Variants in DTL observed in about 807,000 individuals in gnomAD.
DTL encodes denticleless E3 ubiquitin protein ligase adapter.
Under a neutral mutation model 87.0 loss-of-function variants are expected in DTL, and 46 were observed. The ratio of observed to expected loss-of-function variants is 0.53; its 90% CI spans 0.42 to 0.68. The LOEUF (loss-of-function observed/expected upper bound fraction) is 0.68, where lower values mean the gene tolerates loss of function less well. Among genes scored for constraint, DTL ranks in the 30% least tolerant of loss-of-function variants. The probability of loss-of-function intolerance (pLI) is 0.00; values close to 1 mark genes in which losing one functional copy is unlikely to be tolerated. For missense variants in DTL, 737 were observed against 869.4 expected (o/e 0.85, Z 1.91); for synonymous variants, 308 against 311.2 (o/e 0.99, Z 0.11).
intron 12 of DTL, 24 bp downstream of exon 12, chr1:212,078,286 T>G (rs1558084924): frequency 1.4e-6 from 2 of 1,390,452 alleles, no homozygotes; most frequent in Non-Finnish European, 1.0e-6. Context: ...TCTCTATAGT[T>G]GGTTTAAAAT....
intron 14 of DTL, among the ~76,000 whole-genome samples, chr1:212,101,726 C>T (rs755196925): frequency 6.6e-5 from 10 of 152,244 alleles, no homozygotes; most frequent in Non-Finnish European, 1.2e-4. Context: ...TGTAGTGTCA[C>T]TTATCTTTTT....
chr1:212,093,656 C>T (rs116300482), intron 13 of DTL, among the ~76,000 whole-genome samples: 8,511 of 152,252 alleles, frequency 0.056, 272 homozygotes, highest in Non-Finnish European at 0.074. Context: ...CTTCTGCCAG[C>T]GTGCTTCTCA....
chr1:212,070,276 C>T (rs889303473), intron 10 of DTL, among the ~76,000 whole-genome samples: 1 of 151,976 alleles, frequency 6.6e-6, no homozygotes, highest in Non-Finnish European at 1.5e-5. Flanking sequence ...ATTTCATTTG[C>T]GCAGATGGAT....
At chr1:212,100,038 T>C (rs1187974062) in intron 13 of DTL, among the ~76,000 whole-genome samples, 1 of 152,206 alleles carries the variant, frequency 6.6e-6, no homozygotes, top group Non-Finnish European at 1.5e-5. Flanking sequence ...TTTTTACAAG[T>C]ATATATTTTA....
At chr1:212,101,174 TTA>T in intron 14 of DTL, 90 bp downstream of exon 14, 1 of 1,018,092 alleles carries the variant, frequency 9.8e-7, no homozygotes, top group South Asian at 2.0e-5. Flanking sequence ...TTTTTTTTTT[TTA>T]AAGAAAGAAA....
At chr1:212,060,037 GA>G (rs1227257112) in intron 5 of DTL, among the ~76,000 whole-genome samples, 1 of 152,002 alleles carries the variant, frequency 6.6e-6, no homozygotes, top group African/African-American at 2.4e-5. Context: ...GAGACAAATG[GA>G]AAGAGACCTC....
chr1:212,086,931 G>T (rs1057351722), intron 13 of DTL, among the ~76,000 whole-genome samples: 2 of 152,108 alleles, frequency 1.3e-5, no homozygotes, highest in African/African-American at 2.4e-5. Context: ...AAAGTATCTT[G>T]CTTTTAACTA....
At chr1:212,080,565 T>G in intron 12 of DTL, 50 bp from the exon 13 acceptor site, 4 of 1,576,820 alleles carry the variant, frequency 2.5e-6, no homozygotes, top group Non-Finnish European at 3.5e-6. Flanking sequence ...TTAATGTATT[T>G]TGAATCTTGA....
At chr1:212,045,921 G>C (rs1667795094) in intron 3 of DTL, among the ~76,000 whole-genome samples, 2 of 136,342 alleles carry the variant, frequency 1.5e-5, no homozygotes, top group South Asian at 2.5e-4. Flanking sequence ...TTTTGTTTTT[G>C]GTTTTGTTGT....
intron 13 of DTL, among the ~76,000 whole-genome samples, chr1:212,085,865 G>T (rs993270016): frequency 6.6e-6 from 1 of 152,182 alleles, no homozygotes; most frequent in Non-Finnish European, 1.5e-5. Context: ...ACCATCACTT[G>T]TTAAAGAGAC....
chr1:212,066,456 A>G (rs1482410389), intron 7 of DTL, among the ~76,000 whole-genome samples: 1 of 152,226 alleles, frequency 6.6e-6, no homozygotes, highest in Non-Finnish European at 1.5e-5. Flanking sequence ...ATCTAGGTAG[A>G]CAGCAACATT....
intron 13 of DTL, among the ~76,000 whole-genome samples, chr1:212,082,498 G>A (rs376544863): frequency 6.6e-6 from 1 of 152,288 alleles, no homozygotes; most frequent in African/African-American, 2.4e-5. Context: ...GGAATTTGCT[G>A]GAGCAATGTT....
intron 6 of DTL, among the ~76,000 whole-genome samples, chr1:212,063,246 T>C (rs1654388740): frequency 6.6e-6 from 1 of 151,944 alleles, no homozygotes; most frequent in South Asian, 2.1e-4. Flanking sequence ...GCCTCACTGG[T>C]AAATGTCTTT....
At chr1:212,078,929 G>C (rs1166520254) in intron 12 of DTL, among the ~76,000 whole-genome samples, 1 of 152,128 alleles carries the variant, frequency 6.6e-6, no homozygotes, top group Non-Finnish European at 1.5e-5. Flanking sequence ...ATTGCCTCTG[G>C]TCTTTGAGTT....
At position 212,066,670 on chromosome 1, in the gene DTL, CA is replaced by C. The variant is rs570459800; in HGVS notation, c.640-141del. 2.2e-3 allele frequency: 1,410 copies of C among 628,624 alleles called. 5 individuals carry two copies. Among genetic ancestry groups the C allele is most frequent in the Admixed American group, 3.1e-3 (107 of 34,250 alleles). 38.9% of individuals were successfully genotyped at this position (628,624 alleles called of 1,614,324 possible). A position where few individuals can be genotyped will look rare whatever the true frequency, so the allele number is the denominator to read the frequency against. On this transcript the variant is annotated intron_variant, in intron 7 of 14. Transcript: ENST00000366991. ...CTTGCTAAAATTACCTCTTGGTCAG[CA>C]TATATATCTGATCGAGATCATTAGA...
chr1:212,087,715 C>T (rs1172384908), intron 13 of DTL, among the ~76,000 whole-genome samples: 3 of 152,098 alleles, frequency 2.0e-5, no homozygotes, highest in Non-Finnish European at 2.9e-5. Flanking sequence ...ACTGACCATT[C>T]GACTCTCTAA....
At chr1:212,093,527 C>G (rs538282469) in intron 13 of DTL, among the ~76,000 whole-genome samples, 3 of 152,206 alleles carry the variant, frequency 2.0e-5, no homozygotes, top group African/African-American at 7.2e-5. Context: ...AAATGGCTTT[C>G]CCCTGGAGTT....
chr1:212,053,192 A>G (rs190285622), intron 5 of DTL, among the ~76,000 whole-genome samples: 27 of 147,542 alleles, frequency 1.8e-4, no homozygotes, highest in African/African-American at 5.2e-4. Context: ...CACTTTCTCT[A>G]TTTTCTCCAG....
intron 11 of DTL, among the ~76,000 whole-genome samples, chr1:212,073,300 A>G (rs1654730923): frequency 6.6e-6 from 1 of 152,252 alleles, no homozygotes; most frequent in African/African-American, 2.4e-5. Context: ...AGAATTAATT[A>G]TCTTCTAGAT....
Sources: gnomAD v4.1 joint callset for allele counts (sites outside exome capture counted in the v4.1 genomes callset) on GRCh38, gnomAD v4.1.1 for gene constraint, MANE v1.5 for transcripts, NCBI Gene and HGNC (gene_info 2026-07-23, HGNC 2026-07-21) for gene names.